Variants in CNTNAP2 observed in about 807,000 individuals in gnomAD.
CNTNAP2 encodes contactin-associated protein-like 2.
In CNTNAP2, 98 loss-of-function variants were observed where a neutral mutation model predicts 155.2. The ratio of observed to expected loss-of-function variants is 0.63; its 90% confidence interval spans 0.54 to 0.75. The LOEUF (loss-of-function observed/expected upper bound fraction) is 0.75. CNTNAP2 is among the 30% of genes least tolerant of loss of function. The pLI is 0.00. For synonymous variants in CNTNAP2, 651 were observed against 631.2 expected (o/e 1.03, Z -0.47); for missense variants, 1,727 against 1,688.1 (o/e 1.02, Z -0.40).
chr7:146,476,422 G>A (rs1040251793), intron 1 of CNTNAP2, among the ~76,000 whole-genome samples: 12 of 152,132 alleles, frequency 7.9e-5, no homozygotes, highest in African/African-American at 2.2e-4. Flanking sequence ...GGAAAATAAA[G>A]CAGCATAACT....
chr7:146,119,640 G>T (rs1324728009), intron 1 of CNTNAP2, among the ~76,000 whole-genome samples: 2 of 152,036 alleles, frequency 1.3e-5, no homozygotes, highest in African/African-American at 4.8e-5. Context: ...GACCTTGATG[G>T]TGCAGTTCTA....
At chr7:148,367,708 T>C in intron 21 of CNTNAP2, among the ~76,000 whole-genome samples, 1 of 152,212 alleles carries the variant, frequency 6.6e-6, no homozygotes, top group East Asian at 1.9e-4. Context: ...CATGATAACA[T>C]ATTTTAGAGG....
rs77532718 is a variant in CNTNAP2, at chr7:148,291,919, G to C, written c.3475+24793G>C. On this transcript the variant is annotated intron_variant, in intron 21 of 23. Transcript: ENST00000361727. ...AAAAGGGCACCAAAATCCAGCCTTT[G>C]ACATCTCAGAAGAAGCGATGATTAA... 8.9e-3 allele frequency among the ~76,000 whole-genome samples: 1,361 copies of C among 152,274 alleles called. 21 individuals are homozygous for C. The highest frequency in any genetic ancestry group is 0.031 in the African/African-American group (1,297 of 41,544).
At chr7:146,502,456 ATGTG>A (rs1797319721) in intron 1 of CNTNAP2, among the ~76,000 whole-genome samples, 1 of 151,798 alleles carries the variant, frequency 6.6e-6, no homozygotes, top group Non-Finnish European at 1.5e-5. Flanking sequence ...TTTTTGAGAA[ATGTG>A]CATACTGTTT....
At chr7:147,440,616 A>G (rs555779469) in intron 10 of CNTNAP2, among the ~76,000 whole-genome samples, 1 of 152,224 alleles carries the variant, frequency 6.6e-6, no homozygotes, top group Admixed American at 6.5e-5. Flanking sequence ...CTGATTGAAG[A>G]ACTCCCTTTA....
intron 4 of CNTNAP2, among the ~76,000 whole-genome samples, chr7:147,068,715 G>A (rs996316833): frequency 1.3e-5 from 2 of 152,158 alleles, no homozygotes; most frequent in African/African-American, 4.8e-5. Context: ...AGTCTAGCTG[G>A]TCCTGGGCTT....
intron 1 of CNTNAP2, among the ~76,000 whole-genome samples, chr7:146,273,245 A>G (rs908956510): frequency 2.0e-5 from 3 of 152,008 alleles, no homozygotes; most frequent in Non-Finnish European, 4.4e-5. Flanking sequence ...ATCAGAACTC[A>G]TTCCATCTGT....
At chr7:148,175,136 T>G (rs1794910133) in intron 18 of CNTNAP2, among the ~76,000 whole-genome samples, 1 of 152,238 alleles carries the variant, frequency 6.6e-6, no homozygotes, top group African/African-American at 2.4e-5. Flanking sequence ...TGTGCCACAT[T>G]TTCTTTATCC....
At chr7:148,415,141 C>CCACA (rs1799950642) in intron 23 of CNTNAP2, among the ~76,000 whole-genome samples, 1 of 152,202 alleles carries the variant, frequency 6.6e-6, no homozygotes, top group Non-Finnish European at 1.5e-5. Context: ...TGGTTCCTTT[C>CCACA]TGCCTGTTTT....
intron 1 of CNTNAP2, among the ~76,000 whole-genome samples, chr7:146,612,733 C>T (rs905059170): frequency 1.3e-5 from 2 of 152,158 alleles, no homozygotes; most frequent in African/African-American, 4.8e-5. Flanking sequence ...CATTCCCAAA[C>T]CTGTTCATAT....
At chr7:147,668,616 A>C (rs1185735214) in intron 13 of CNTNAP2, among the ~76,000 whole-genome samples, 2 of 152,210 alleles carry the variant, frequency 1.3e-5, no homozygotes, top group African/African-American at 4.8e-5. Flanking sequence ...AAAAGTAAAA[A>C]TAAAAAATTA....
At chr7:147,678,058 T>A (rs1449603192) in intron 13 of CNTNAP2, among the ~76,000 whole-genome samples, 1 of 151,850 alleles carries the variant, frequency 6.6e-6, no homozygotes, top group African/African-American at 2.4e-5. Context: ...TAATTATATG[T>A]CTTTTCAAAT....
chr7:147,005,893 G>A (rs13222738), intron 3 of CNTNAP2, among the ~76,000 whole-genome samples: 57,318 of 151,698 alleles, frequency 0.38, 11,033 homozygotes, highest in East Asian at 0.44. Context: ...GACATATTTT[G>A]GGGTATCCTA....
chr7:146,906,389 C>G (rs1450167454), intron 3 of CNTNAP2, among the ~76,000 whole-genome samples: 1 of 152,140 alleles, frequency 6.6e-6, no homozygotes, highest in African/African-American at 2.4e-5. Flanking sequence ...CCTCTGCAGA[C>G]TTAAATGTCC....
chr7:147,457,797 T>C (rs1334283920), intron 10 of CNTNAP2, among the ~76,000 whole-genome samples: 2 of 152,072 alleles, frequency 1.3e-5, no homozygotes, highest in African/African-American at 4.8e-5. Flanking sequence ...CTTTAAAAAA[T>C]ACTAAGCAAT....
At chr7:148,111,070 C>T (rs1238946692) in intron 15 of CNTNAP2, among the ~76,000 whole-genome samples, 1 of 152,136 alleles carries the variant, frequency 6.6e-6, no homozygotes. Flanking sequence ...GATCATGAAG[C>T]CCAAACATCA....
intron 1 of CNTNAP2, among the ~76,000 whole-genome samples, chr7:146,222,571 TGTGTGC>T (rs1799223913): frequency 6.6e-6 from 1 of 150,824 alleles, no homozygotes; most frequent in African/African-American, 2.4e-5. Context: ...TGTGTGTGTG[TGTGTGC>T]GTGCACATGT....
At chr7:146,493,873 A>C (rs567520073) in intron 1 of CNTNAP2, among the ~76,000 whole-genome samples, 2 of 152,310 alleles carry the variant, frequency 1.3e-5, no homozygotes, top group South Asian at 4.1e-4. Flanking sequence ...TTGCAAAAGA[A>C]AAATGCTTTG....
intron 14 of CNTNAP2, among the ~76,000 whole-genome samples, chr7:147,959,537 G>A (rs74742193): frequency 0.014 from 2,138 of 152,278 alleles, 23 homozygotes; most frequent in Middle Eastern, 0.051. Context: ...CTCCCACAGA[G>A]CAGGGCTACC....
Sources: gnomAD v4.1 joint callset for allele counts (sites outside exome capture counted in the v4.1 genomes callset) on GRCh38, gnomAD v4.1.1 for gene constraint, MANE v1.5 for transcripts, NCBI Gene and HGNC (gene_info 2026-07-23, HGNC 2026-07-21) for gene names.